Variants in TENM2 observed in about 807,000 individuals in gnomAD.
The protein encoded by TENM2 is teneurin transmembrane protein 2.
A neutral mutation model predicts 245.2 loss-of-function variants in TENM2; 52 were observed. The observed-to-expected ratio is 0.21, with a 90% CI of 0.17 to 0.27. The LOEUF is 0.27. TENM2 is among the 10% of genes least tolerant of loss of function. TENM2 has a pLI of 1.00. For missense variants in TENM2, 3,046 were observed against 3,666.8 expected (o/e 0.83, Z 4.37); for synonymous variants, 1,363 against 1,438.9 (o/e 0.95, Z 1.19).
At chr5:168,133,637 TTTG>T (rs1451776115) in intron 12 of TENM2, among the ~76,000 whole-genome samples, 1 of 152,178 alleles carries the variant, frequency 6.6e-6, no homozygotes, top group Non-Finnish European at 1.5e-5. Context: ...GAATGGAGCT[TTTG>T]TTGTTTGTTT....
chr5:167,975,481 T>C (rs1782369916), intron 4 of TENM2, among the ~76,000 whole-genome samples: 1 of 151,746 alleles, frequency 6.6e-6, no homozygotes, highest in Admixed American at 6.6e-5. Flanking sequence ...CTGAAATATA[T>C]AGATCTGTTT....
At chr5:167,478,835 TCTCTTA>T (rs1767566336) in intron 2 of TENM2, among the ~76,000 whole-genome samples, 1 of 152,220 alleles carries the variant, frequency 6.6e-6, no homozygotes, top group Admixed American at 6.5e-5. Context: ...AGTGCCTTGT[TCTCTTA>T]CTCTTACTTT....
chr5:167,423,959 T>C (rs532017025), intron 2 of TENM2, among the ~76,000 whole-genome samples: 96 of 152,312 alleles, frequency 6.3e-4, no homozygotes, highest in African/African-American at 2.1e-3. Flanking sequence ...CCAAGTCCCA[T>C]GTGCTTTGTA....
At chr5:167,731,189 C>T (rs1029888592) in intron 2 of TENM2, among the ~76,000 whole-genome samples, 1 of 131,866 alleles carries the variant, frequency 7.6e-6, no homozygotes, top group Non-Finnish European at 1.6e-5. Flanking sequence ...TGAGTTTCTA[C>T]CCTCCAGACA....
At chr5:168,158,825 G>GTATATATATA (rs1373189808) in intron 12 of TENM2, among the ~76,000 whole-genome samples, 4 of 84,022 alleles carry the variant, frequency 4.8e-5, no homozygotes, top group African/African-American at 1.4e-4. Context: ...GTGTGTGTGT[G>GTATATATATA]TGTGTATATA....
rs905882288 is a variant in TENM2, at chr5:167,694,641, G to A, written c.503-181345G>A. The stretch of plus-strand genomic sequence containing the variant: ...TGAGCTTAGTGGAAAAAGTCTGGTT[G>A]GTGCATTCTGAGCCTGCTAATCATT... On this transcript the variant is annotated intron_variant, in intron 2 of 28. Transcript: ENST00000518659. Among the ~76,000 whole-genome samples, 6 of 152,174 alleles carry A rather than the reference G, an allele frequency of 3.9e-5. No homozygotes were observed. The South Asian group carries it at 1.0e-3, about 26-fold the overall frequency.
chr5:167,213,435 A>T, the TENM2 span, among the ~76,000 whole-genome samples: 1 of 152,164 alleles, frequency 6.6e-6, no homozygotes, highest in Non-Finnish European at 1.5e-5. Flanking sequence ...TTTTGTAAAG[A>T]TACTAATTCC....
At chr5:167,607,068 A>G (rs919267866) in intron 2 of TENM2, among the ~76,000 whole-genome samples, 2 of 152,150 alleles carry the variant, frequency 1.3e-5, no homozygotes, top group Admixed American at 6.6e-5. Flanking sequence ...TTAAATATCT[A>G]CAGGGCCCAG....
At chr5:167,397,667 G>T (rs1221114902) in intron 2 of TENM2, among the ~76,000 whole-genome samples, 2 of 152,134 alleles carry the variant, frequency 1.3e-5, no homozygotes, top group African/African-American at 4.8e-5. Context: ...AAAGAAATAT[G>T]TATCTTATTC....
At chr5:167,477,654 A>T (rs530647520) in intron 2 of TENM2, among the ~76,000 whole-genome samples, 3 of 152,198 alleles carry the variant, frequency 2.0e-5, no homozygotes, top group Non-Finnish European at 4.4e-5. Context: ...GGTAATCTGC[A>T]CTGGACCTTC....
At chr5:167,727,975 C>T (rs566192355) in intron 2 of TENM2, among the ~76,000 whole-genome samples, 23 of 152,180 alleles carry the variant, frequency 1.5e-4, no homozygotes, top group African/African-American at 2.2e-4. Context: ...CTGAGAGTGT[C>T]GCTTAGCTTA....
chr5:168,177,101 T>A (rs897719822), intron 13 of TENM2, among the ~76,000 whole-genome samples: 10 of 152,142 alleles, frequency 6.6e-5, no homozygotes, highest in African/African-American at 2.2e-4. Flanking sequence ...TTGGGTGAAC[T>A]CCGACCTCCC....
chr5:167,011,138 G>T, the TENM2 span, among the ~76,000 whole-genome samples: 1 of 152,060 alleles, frequency 6.6e-6, no homozygotes, highest in African/African-American at 2.4e-5. Context: ...ATTCTTTTTG[G>T]TCCTTGCAGT....
chr5:167,424,209 C>A (rs564477264), intron 2 of TENM2, among the ~76,000 whole-genome samples: 4 of 152,128 alleles, frequency 2.6e-5, no homozygotes, highest in African/African-American at 9.6e-5. Context: ...TTGTCTTGTT[C>A]TCTCAGTCAT....
At chr5:167,919,118 T>A (rs1777161221) in intron 3 of TENM2, among the ~76,000 whole-genome samples, 2 of 152,210 alleles carry the variant, frequency 1.3e-5, no homozygotes. Context: ...GATTGTATCC[T>A]TTATCATCCC....
intron 7 of TENM2, among the ~76,000 whole-genome samples, chr5:168,073,013 T>C (rs1791157699): frequency 6.6e-6 from 1 of 152,184 alleles, no homozygotes; most frequent in Non-Finnish European, 1.5e-5. Context: ...TCTATGAATA[T>C]GAGAGGTAGC....
chr5:168,059,081 A>G (rs1176034393), intron 6 of TENM2, among the ~76,000 whole-genome samples: 4 of 152,182 alleles, frequency 2.6e-5, no homozygotes, highest in Admixed American at 6.5e-5. Flanking sequence ...GGAAGCGAGG[A>G]TCTAAAACCC....
chr5:167,498,982 A>G (rs968623439), intron 2 of TENM2, among the ~76,000 whole-genome samples: 14 of 152,144 alleles, frequency 9.2e-5, no homozygotes, highest in African/African-American at 3.4e-4. Flanking sequence ...TAGCATTTAA[A>G]AAAATTGTAA....
chr5:168,070,821 A>AGAGAGAG (rs1562121012), intron 7 of TENM2, among the ~76,000 whole-genome samples: 212 of 100,450 alleles, frequency 2.1e-3, no homozygotes, highest in Middle Eastern at 9.2e-3. Flanking sequence ...GAGAGAGAGA[A>AGAGAGAG]AAAAAGAAAG....
Sources: gnomAD v4.1 joint callset for allele counts (sites outside exome capture counted in the v4.1 genomes callset) on GRCh38, gnomAD v4.1.1 for gene constraint, MANE v1.5 for transcripts, NCBI Gene and HGNC (gene_info 2026-07-23, HGNC 2026-07-21) for gene names.